Variants in OXR1 observed in about 807,000 individuals in gnomAD.
OXR1 encodes the protein oxidation resistance protein 1.
A neutral mutation model predicts 104.6 loss-of-function variants in OXR1; 41 were observed. The observed-to-expected ratio is 0.39, with a 90% CI of 0.31 to 0.51. OXR1 has a LOEUF of 0.51. Ranked by LOEUF, OXR1 falls within the 20% of genes least tolerant of loss-of-function variation. The pLI, the probability that OXR1 is intolerant of heterozygous loss-of-function variation, is 0.77. For missense variants in OXR1, 955 were observed against 1,031.9 expected (o/e 0.93, Z 1.02); for synonymous variants, 348 against 348.4 (o/e 1.00, Z 0.01).
At chr8:106,487,713 A>T (rs373177587) in intron 2 of OXR1, among the ~76,000 whole-genome samples, 20 of 150,308 alleles carry the variant, frequency 1.3e-4, no homozygotes, top group Non-Finnish European at 2.5e-4. Flanking sequence ...GAGAATGATG[A>T]TTTCCAATTT....
At chr8:106,282,619 G>C (rs1371263555) in intron 1 of OXR1, among the ~76,000 whole-genome samples, 1 of 152,142 alleles carries the variant, frequency 6.6e-6, no homozygotes. Flanking sequence ...AAAAGAAAAT[G>C]CTATTAAGAA....
intron 3 of OXR1, among the ~76,000 whole-genome samples, chr8:106,638,784 T>C (rs1208684379): frequency 6.6e-6 from 1 of 151,636 alleles, no homozygotes; most frequent in African/African-American, 2.4e-5. Flanking sequence ...TCCCAGCTAC[T>C]CAGGAGGCTG....
At chr8:106,477,064 C>A (rs1456679126) in intron 2 of OXR1, among the ~76,000 whole-genome samples, 1 of 151,980 alleles carries the variant, frequency 6.6e-6, no homozygotes, top group Admixed American at 6.6e-5. Flanking sequence ...CAGCTGCAGA[C>A]CTCAATCTAC....
intron 2 of OXR1, among the ~76,000 whole-genome samples, chr8:106,432,902 G>A (rs774029506): frequency 1.3e-5 from 2 of 152,084 alleles, no homozygotes; most frequent in African/African-American, 2.4e-5. Context: ...TGTACATAAA[G>A]TTTATCATAC....
At chr8:106,746,616 A>G (rs1195981233) in intron 16 of OXR1, among the ~76,000 whole-genome samples, 1 of 152,252 alleles carries the variant, frequency 6.6e-6, no homozygotes, top group Non-Finnish European at 1.5e-5. Context: ...CCACCAAAGA[A>G]TATTCATCAT....
At chr8:106,436,860 T>C (rs1367342724) in intron 2 of OXR1, among the ~76,000 whole-genome samples, 2 of 152,168 alleles carry the variant, frequency 1.3e-5, no homozygotes, top group African/African-American at 4.8e-5. Flanking sequence ...TTTTCCTTGA[T>C]TGGCTTGACC....
At chr8:106,412,326 T>A (rs1161620208) in intron 2 of OXR1, among the ~76,000 whole-genome samples, 1 of 152,124 alleles carries the variant, frequency 6.6e-6, no homozygotes, top group Non-Finnish European at 1.5e-5. Flanking sequence ...GTGCTTCAAA[T>A]GGTAGGATGG....
intron 3 of OXR1, among the ~76,000 whole-genome samples, chr8:106,663,410 A>G (rs1825962523): frequency 6.6e-6 from 1 of 152,358 alleles, no homozygotes; most frequent in Admixed American, 6.5e-5. Flanking sequence ...ATGGATTGTC[A>G]TTGAAGGTTC....
chr8:106,404,251 T>C (rs75206253), intron 2 of OXR1, among the ~76,000 whole-genome samples: 1 of 152,214 alleles, frequency 6.6e-6, no homozygotes, highest in Non-Finnish European at 1.5e-5. Context: ...CTTCTTCTAC[T>C]GAACAGGGGG....
intron 3 of OXR1, among the ~76,000 whole-genome samples, chr8:106,592,275 A>C (rs1819159080): frequency 6.6e-6 from 1 of 152,202 alleles, no homozygotes; most frequent in South Asian, 2.1e-4. Flanking sequence ...ACAGCCAATA[A>C]ATAAGAAAAA....
intron 3 of OXR1, among the ~76,000 whole-genome samples, chr8:106,630,181 C>G (rs1194278947): frequency 1.3e-5 from 2 of 152,142 alleles, no homozygotes. Flanking sequence ...AAATGTGGAA[C>G]AGTAGAAAAG....
intron 11 of OXR1, among the ~76,000 whole-genome samples, chr8:106,730,823 G>T (rs1217772851): frequency 6.6e-6 from 1 of 151,832 alleles, no homozygotes; most frequent in Non-Finnish European, 1.5e-5. Context: ...AACACTTTAG[G>T]AGGCTGAAGT....
At chr8:106,466,276 A>T (rs762888056) in intron 2 of OXR1, among the ~76,000 whole-genome samples, 4 of 151,952 alleles carry the variant, frequency 2.6e-5, no homozygotes, top group Non-Finnish European at 5.9e-5. Context: ...ATAATTTTAG[A>T]AAATATTATA....
chr8:106,483,113 G>C (rs1349242931), intron 2 of OXR1, among the ~76,000 whole-genome samples: 1 of 151,878 alleles, frequency 6.6e-6, no homozygotes, highest in African/African-American at 2.4e-5. Flanking sequence ...AGGTATATTG[G>C]TATATTGGAT....
chr8:106,496,140 G>C (rs972634733), intron 2 of OXR1, among the ~76,000 whole-genome samples: 1 of 152,180 alleles, frequency 6.6e-6, no homozygotes, highest in Non-Finnish European at 1.5e-5. Context: ...CTTTGAGGCA[G>C]TGCATATCAG....
rs1025136728 is a variant in OXR1 at position 106,697,508 on chromosome 8, C to G, written c.675+4631C>G. On this transcript the variant is annotated intron_variant, in intron 7 of 16. Coordinates refer to ENST00000517566, the MANE Select transcript of OXR1 (RefSeq NM_001198533.2). ...TGTAGCCCGATCACGTTCTTGCCCTCTTGCAGCTGGTTATCCGAGAAGTTC... is the reference window on the plus strand; with the variant it reads ...TGTAGCCCGATCACGTTCTTGCCCTGTTGCAGCTGGTTATCCGAGAAGTTC... 4 of 1,610,306 alleles carry G rather than the reference C, an allele frequency of 2.5e-6. No individual in the cohort carries two copies. The African/African-American group carries it at 5.3e-5, about 22-fold the overall frequency.
chr8:106,425,797 T>C (rs1819094258), intron 2 of OXR1, among the ~76,000 whole-genome samples: 1 of 152,162 alleles, frequency 6.6e-6, no homozygotes, highest in South Asian at 2.1e-4. Flanking sequence ...GAGGTGGAGT[T>C]GACGCAGGTC....
chr8:106,564,468 T>A lies in OXR1; in HGVS notation c.220+45329T>A, dbSNP rs1816927876. Among the ~76,000 whole-genome samples, 4 of 151,256 alleles carry A rather than the reference T, an allele frequency of 2.6e-5. No individual in the cohort carries two copies. In the South Asian group the frequency reaches 8.4e-4, roughly 32 times the overall value. ...AATCCCTGAATAGACCAATAACAAG[T>A]TCTGAAATTGAGGCAGTAATTAATA... On this transcript the variant is annotated intron_variant, in intron 3 of 16. Coordinates refer to ENST00000517566, the MANE Select transcript of OXR1 (RefSeq NM_001198533.2).
At chr8:106,461,873 C>T (rs534675975) in intron 2 of OXR1, among the ~76,000 whole-genome samples, 2 of 152,234 alleles carry the variant, frequency 1.3e-5, no homozygotes, top group African/African-American at 4.8e-5. Context: ...TATTCATTAT[C>T]ATCTATAAGA....
Sources: gnomAD v4.1 joint callset for allele counts (sites outside exome capture counted in the v4.1 genomes callset) on GRCh38, gnomAD v4.1.1 for gene constraint, MANE v1.5 for transcripts, NCBI Gene and HGNC (gene_info 2026-07-23, HGNC 2026-07-21) for gene names.